Variants in MYO9A observed in about 807,000 individuals in gnomAD.
MYO9A encodes unconventional myosin-IXa.
In MYO9A, 103 loss-of-function variants were observed where a neutral mutation model predicts 293.3. The observed-to-expected ratio is 0.35, with a 90% confidence interval of 0.30 to 0.41. MYO9A has a LOEUF of 0.41. Ranked by LOEUF, MYO9A falls within the 10% of genes least tolerant of loss-of-function variation. The probability of loss-of-function intolerance (pLI) is 1.00; values close to 1 mark genes in which losing one functional copy is unlikely to be tolerated. For synonymous variants in MYO9A, 1,001 were observed against 1,035.7 expected (o/e 0.97, Z 0.64); for missense variants, 2,685 against 3,033.0 (o/e 0.89, Z 2.69).
At chr15:71,990,640 C>T (rs542648730) in intron 11 of MYO9A, among the ~76,000 whole-genome samples, 1 of 151,868 alleles carries the variant, frequency 6.6e-6, no homozygotes, top group South Asian at 2.1e-4. Flanking sequence ...CCTGTAGTCC[C>T]AGCTACTCGG....
At chr15:72,012,442 G>A (rs1331267947) in intron 6 of MYO9A, among the ~76,000 whole-genome samples, 3 of 151,898 alleles carry the variant, frequency 2.0e-5, no homozygotes, top group Admixed American at 6.6e-5. Flanking sequence ...TTACAGGTGC[G>A]TGCCACCATG....
chr15:72,072,030 C>G (rs1419941588), intron 1 of MYO9A, among the ~76,000 whole-genome samples: 1 of 149,212 alleles, frequency 6.7e-6, no homozygotes, highest in Non-Finnish European at 1.5e-5. Flanking sequence ...CAAAATCATA[C>G]CACTGCACTC....
intron 39 of MYO9A, 119 bp downstream of exon 39, chr15:71,848,726 C>A: frequency 8.4e-7 from 1 of 1,195,468 alleles, no homozygotes; most frequent in South Asian, 2.0e-5. Flanking sequence ...GATTTGGTGA[C>A]GTTTTACTTG....
At chr15:71,956,511 T>C (rs941895062) in intron 14 of MYO9A, among the ~76,000 whole-genome samples, 2 of 149,650 alleles carry the variant, frequency 1.3e-5, no homozygotes, top group Admixed American at 1.3e-4. Flanking sequence ...CCAGGCATGG[T>C]GACGAGTGCC....
At position 71,966,473 on chromosome 15, in the gene MYO9A, A is replaced by T. The variant is rs576672538; in HGVS notation, c.1986+1511T>A. ...TATCCTCAAGTTTTTCTATAGCTCA[A>T]GCTTTTGTTTTACTTTTTAAACTAT... On this transcript the variant is annotated intron_variant, in intron 13 of 41. Coordinates refer to ENST00000356056, the MANE Select transcript of MYO9A (RefSeq NM_006901.4). Among the ~76,000 whole-genome samples, 7 of 152,232 alleles carry T rather than the reference A, an allele frequency of 4.6e-5. No individual in the cohort carries two copies. The South Asian group carries it at 1.5e-3, about 32-fold the overall frequency.
chr15:71,848,129 G>A (rs2055472033), intron 39 of MYO9A, among the ~76,000 whole-genome samples: 1 of 151,720 alleles, frequency 6.6e-6, no homozygotes, highest in South Asian at 2.1e-4. Context: ...CCTTAATGCA[G>A]CAGTTTTCCA....
Position 71,875,777 on chromosome 15 carries a change from A to G in MYO9A, c.5979+14T>C. ...AAATTACTTTTTTAATTTAAAAAAC[A>G]GATTATAACTTACCAAATCAGTTTC... On this transcript the variant is annotated intron_variant, in intron 32 of 41. Transcript: ENST00000356056. 1 of 1,294,306 alleles carries G rather than the reference A, an allele frequency of 7.7e-7. No individual in the cohort carries two copies. Among genetic ancestry groups the G allele is most frequent in the Non-Finnish European group, 1.0e-6 (1 of 993,192 alleles). 80.2% of individuals were successfully genotyped at this position (1,294,306 alleles called of 1,614,324 possible).
intron 32 of MYO9A, among the ~76,000 whole-genome samples, chr15:71,866,440 G>A (rs2056328667): frequency 6.6e-6 from 1 of 152,030 alleles, no homozygotes; most frequent in African/African-American, 2.4e-5. Flanking sequence ...TAAGGTGGGA[G>A]GATCACTTGA....
chr15:71,928,763 G>A (rs919981144), intron 18 of MYO9A, among the ~76,000 whole-genome samples: 4 of 151,934 alleles, frequency 2.6e-5, no homozygotes, highest in Admixed American at 2.0e-4. Context: ...TTTATAAAAT[G>A]CTACTGATTT....
intron 2 of MYO9A, among the ~76,000 whole-genome samples, chr15:72,033,104 G>A (rs943831128): frequency 2.0e-5 from 3 of 152,078 alleles, no homozygotes; most frequent in African/African-American, 7.2e-5. Flanking sequence ...GCCTGCCTCG[G>A]CCTCCCAAAG....
chr15:72,052,165 A>G (rs2078586159), intron 1 of MYO9A, among the ~76,000 whole-genome samples: 1 of 152,160 alleles, frequency 6.6e-6, no homozygotes, highest in South Asian at 2.1e-4. Context: ...AACCAGCTGC[A>G]GGGAGAAGCT....
chr15:71,902,988 T>G lies in MYO9A; in HGVS notation c.2953A>C (p.Arg985=). 6.3e-7 allele frequency: 1 copy of G among 1,586,500 alleles called. No individual in the cohort carries two copies. The highest frequency in any genetic ancestry group is 8.6e-7 in the Non-Finnish European group (1 of 1,157,778). Residue 985 remains arginine (R), a synonymous_variant, in exon 22 of 42, where the codon AGG becomes CGG. Transcript: ENST00000356056. The part of the protein sequence containing the change: ...PSKFNIQDFF[R]KINLNPDNYQ... ...TTATCTGGATTAAGATTTATTTTCCTGAAGAAATCCTGAATGTTAAATTTG... is the reference window on the plus strand; with the variant it reads ...TTATCTGGATTAAGATTTATTTTCCGGAAGAAATCCTGAATGTTAAATTTG...
chr15:72,028,424 G>A (rs2077751625), intron 3 of MYO9A, among the ~76,000 whole-genome samples: 2 of 151,152 alleles, frequency 1.3e-5, no homozygotes, highest in African/African-American at 2.4e-5. Flanking sequence ...GAGGAGGGTG[G>A]ATCACCTGAG....
intron 1 of MYO9A, among the ~76,000 whole-genome samples, chr15:72,062,144 T>C (rs2078896023): frequency 6.6e-6 from 1 of 152,130 alleles, no homozygotes; most frequent in Admixed American, 6.6e-5. Flanking sequence ...GGGCTTGGGG[T>C]GTACCCTAAT....
Position 71,936,774 on chromosome 15 carries a change from G to A in MYO9A, c.2379-1290C>T, listed in dbSNP as rs1346702415. Among the ~76,000 whole-genome samples, 4 of 152,054 alleles carry A rather than the reference G, an allele frequency of 2.6e-5. No homozygotes were observed. The East Asian group carries it at 7.7e-4, about 29-fold the overall frequency. On this transcript the variant is annotated intron_variant, in intron 16 of 41. Coordinates refer to ENST00000356056, the MANE Select transcript of MYO9A (RefSeq NM_006901.4). ...ATCAATAAACCATTTAGAAACGCTT[G>A]TATTTTCATTATTTTGTGCTAAACC...
chr15:72,076,506 T>G (rs9920148), intron 1 of MYO9A, among the ~76,000 whole-genome samples: 7,598 of 152,202 alleles, frequency 0.05, 323 homozygotes, highest in East Asian at 0.18. Context: ...ATTTATAATA[T>G]ACTCAAAAAA....
At chr15:72,116,345 T>C (rs985755927) in intron 1 of MYO9A, among the ~76,000 whole-genome samples, 2 of 152,254 alleles carry the variant, frequency 1.3e-5, no homozygotes, top group African/African-American at 4.8e-5. Context: ...TTTATACCAA[T>C]ATTAAAATTA....
At chr15:71,948,599 C>T (rs2058975638) in intron 15 of MYO9A, among the ~76,000 whole-genome samples, 2 of 152,182 alleles carry the variant, frequency 1.3e-5, no homozygotes, top group Admixed American at 6.5e-5. Flanking sequence ...TACTGGCCTA[C>T]AAAGCCTAAA....
At chr15:71,881,823 A>G (rs1261035050) in intron 28 of MYO9A, among the ~76,000 whole-genome samples, 1 of 152,240 alleles carries the variant, frequency 6.6e-6, no homozygotes, top group Non-Finnish European at 1.5e-5. Context: ...TTAGCAGCAA[A>G]GAATATAATT....
Sources: gnomAD v4.1 joint callset for allele counts (sites outside exome capture counted in the v4.1 genomes callset) on GRCh38, gnomAD v4.1.1 for gene constraint, MANE v1.5 for transcripts, NCBI Gene and HGNC (gene_info 2026-07-23, HGNC 2026-07-21) for gene names.